SAMD5: variants seen among roughly 807,000 people sequenced by gnomAD.
The protein encoded by SAMD5 is sterile alpha motif domain containing 5, also known as sterile alpha motif domain-containing protein 5.
SAMD5 carries 13 observed loss-of-function variants against 11.3 expected under a neutral mutation model. That is an observed-to-expected ratio of 1.15 (90% CI 0.75 to 1.83). The LOEUF is 1.83. Among genes scored for constraint, SAMD5 ranks in the 40% most tolerant of loss-of-function variants. The pLI is 0.00. For missense variants in SAMD5, 255 were observed against 239.1 expected (o/e 1.07, Z -0.44); for synonymous variants, 129 against 111.3 (o/e 1.16, Z -1.00).
chr6:147,514,079 G>A (rs375940974), intron 1 of SAMD5, among the ~76,000 whole-genome samples: 3 of 152,170 alleles, frequency 2.0e-5, no homozygotes, highest in African/African-American at 7.2e-5. Flanking sequence ...AGAATCTGGA[G>A]TATATCTGAG....
chr6:147,543,164 A>C (rs6900377), intron 1 of SAMD5, among the ~76,000 whole-genome samples: 88,946 of 152,038 alleles, frequency 0.59, 27,666 homozygotes, highest in East Asian at 0.91. Context: ...CCCAGGATCA[A>C]AGAATGACAA....
the SAMD5 span, among the ~76,000 whole-genome samples, chr6:147,805,884 C>G: frequency 1.3e-5 from 2 of 152,152 alleles, no homozygotes. Flanking sequence ...ATATAAGGTA[C>G]TGATCCACTT....
the SAMD5 span, among the ~76,000 whole-genome samples, chr6:147,749,232 T>G: frequency 1.8e-4 from 27 of 151,516 alleles, no homozygotes; most frequent in East Asian, 4.7e-3. Context: ...TACAGTGGTG[T>G]GATCTTGGCT....
intron 1 of SAMD5, among the ~76,000 whole-genome samples, chr6:147,700,011 G>A (rs369631320): frequency 2.6e-5 from 4 of 152,166 alleles, no homozygotes; most frequent in African/African-American, 7.2e-5. Flanking sequence ...AGTGCCAAAT[G>A]CTGATAGTGT....
At chr6:147,856,062 G>T in the SAMD5 span, among the ~76,000 whole-genome samples, 1 of 152,060 alleles carries the variant, frequency 6.6e-6, no homozygotes, top group African/African-American at 2.4e-5. Flanking sequence ...AGTAAACTAT[G>T]GTATAGCGAT....
chr6:147,575,618 C>A (rs189201362), intron 1 of SAMD5, among the ~76,000 whole-genome samples: 142 of 152,334 alleles, frequency 9.3e-4, no homozygotes, highest in Non-Finnish European at 1.8e-3. Flanking sequence ...TCGGACCATC[C>A]ATTTCATTTT....
chr6:147,720,740 C>A (rs901205604), intron 1 of SAMD5, among the ~76,000 whole-genome samples: 2 of 151,646 alleles, frequency 1.3e-5, no homozygotes, highest in Admixed American at 1.3e-4. Flanking sequence ...GGTACATGTG[C>A]ACAATGTGCA....
the SAMD5 span, among the ~76,000 whole-genome samples, chr6:147,949,247 C>G: frequency 6.6e-6 from 1 of 152,160 alleles, no homozygotes; most frequent in African/African-American, 2.4e-5. Flanking sequence ...CCAGGGGCTA[C>G]TTAGTTATGC....
the SAMD5 span, among the ~76,000 whole-genome samples, chr6:147,784,714 T>C: frequency 3.3e-5 from 5 of 152,202 alleles, no homozygotes; most frequent in Non-Finnish European, 7.4e-5. Flanking sequence ...ATACAAAGTT[T>C]GTAATGAGAT....
At chr6:147,822,917 C>T in the SAMD5 span, among the ~76,000 whole-genome samples, 1,197 of 152,256 alleles carry the variant, frequency 7.9e-3, 12 homozygotes, top group African/African-American at 0.026. Context: ...TGGGTTCAAG[C>T]GATTCTCCTG....
At chr6:147,903,647 C>T in the SAMD5 span, among the ~76,000 whole-genome samples, 1 of 152,078 alleles carries the variant, frequency 6.6e-6, no homozygotes, top group Non-Finnish European at 1.5e-5. Flanking sequence ...CGGTGGCTCA[C>T]GGCTATAATC....
At chr6:147,717,740 G>A (rs1791488729) in intron 1 of SAMD5, among the ~76,000 whole-genome samples, 1 of 152,138 alleles carries the variant, frequency 6.6e-6, no homozygotes, top group Non-Finnish European at 1.5e-5. Context: ...TACTTGGGAG[G>A]CTGAGGCAGG....
the SAMD5 span, among the ~76,000 whole-genome samples, chr6:147,942,980 AT>A: frequency 1.3e-5 from 2 of 151,294 alleles, no homozygotes; most frequent in Non-Finnish European, 3.0e-5. Context: ...TGCCTGGCTA[AT>A]TTTTTTTTAT....
At chr6:147,843,992 G>A in the SAMD5 span, among the ~76,000 whole-genome samples, 16 of 152,100 alleles carry the variant, frequency 1.1e-4, no homozygotes, top group Non-Finnish European at 1.9e-4. Context: ...ATAGACAAAT[G>A]AGATTGCAGC....
the SAMD5 span, among the ~76,000 whole-genome samples, chr6:147,893,060 A>G: frequency 6.6e-6 from 1 of 152,098 alleles, no homozygotes; most frequent in Admixed American, 6.6e-5. Flanking sequence ...TAAAAATACA[A>G]AAACTTAGGC....
the SAMD5 span, among the ~76,000 whole-genome samples, chr6:147,929,727 C>T: frequency 1.3e-5 from 2 of 152,110 alleles, no homozygotes; most frequent in Non-Finnish European, 2.9e-5. Context: ...ACTGGATTAT[C>T]ACTGTTGATG....
At position 147,564,577 on chromosome 6, in the gene SAMD5, A is replaced by T; in HGVS notation, c.*121A>T. On this transcript the variant is annotated 3_prime_UTR_variant, in exon 2 of 2. Transcript: ENST00000367474. ...TGACCCTGGAAATACTCATCAGCTT[A>T]ACTTTTTGCTTGGACAAATTCTGGA... 1 of 1,350,538 alleles carries T rather than the reference A, an allele frequency of 7.4e-7. No individual in the cohort carries two copies. Among genetic ancestry groups the T allele is most frequent in the Non-Finnish European group, 1.0e-6 (1 of 989,204 alleles). 83.7% of individuals were successfully genotyped at this position (1,350,538 alleles called of 1,614,324 possible).
the SAMD5 span, among the ~76,000 whole-genome samples, chr6:147,856,782 TCCACCCAC>T: frequency 7.4e-6 from 1 of 134,742 alleles, no homozygotes; most frequent in African/African-American, 2.8e-5. Context: ...ATTTTCAAAA[TCCACCCAC>T]GTGGCTTAAT....
At chr6:147,881,272 G>A in the SAMD5 span, among the ~76,000 whole-genome samples, 1 of 152,036 alleles carries the variant, frequency 6.6e-6, no homozygotes, top group Admixed American at 6.6e-5. Flanking sequence ...AACACAACAG[G>A]GTGAGGCATT....
Sources: gnomAD v4.1 joint callset for allele counts (sites outside exome capture counted in the v4.1 genomes callset) on GRCh38, gnomAD v4.1.1 for gene constraint, MANE v1.5 for transcripts, NCBI Gene and HGNC (gene_info 2026-07-23, HGNC 2026-07-21) for gene names.